Variants in PHACTR2 observed in about 807,000 individuals in gnomAD.
PHACTR2 encodes chromosome 6 open reading frame 56.
Under a neutral mutation model 76.0 loss-of-function variants are expected in PHACTR2, and 30 were observed. The ratio of observed to expected loss-of-function variants is 0.39; its 90% confidence interval spans 0.30 to 0.54. The LOEUF (loss-of-function observed/expected upper bound fraction) is 0.54, where lower values mean the gene tolerates loss of function less well. Among genes scored for constraint, PHACTR2 ranks in the 20% least tolerant of loss-of-function variants. The pLI is 0.61. For missense variants in PHACTR2, 696 were observed against 781.1 expected, an observed-to-expected ratio of 0.89 and a Z score of 1.30; for synonymous variants, 292 against 292.5, an observed-to-expected ratio of 1.00 and a Z score of 0.02.
chr6:143,563,527 GCCTGGGCGACACAAA>G (rs1459758115), intron 1 of PHACTR2, among the ~76,000 whole-genome samples: 1 of 136,276 alleles, frequency 7.3e-6, no homozygotes, highest in African/African-American at 2.8e-5. Context: ...CTGCACTCCA[GCCTGGGCGACACAAA>G]CTCCGTCTCA....
intron 1 of PHACTR2, among the ~76,000 whole-genome samples, chr6:143,631,223 C>T (rs113542686): frequency 0.023 from 3,456 of 152,162 alleles, 136 homozygotes; most frequent in African/African-American, 0.079. Flanking sequence ...CAGGGTCTCA[C>T]TCTGTTGCCC....
intron 1 of PHACTR2, among the ~76,000 whole-genome samples, chr6:143,600,684 A>G (rs933833781): frequency 6.6e-6 from 1 of 152,208 alleles, no homozygotes; most frequent in Non-Finnish European, 1.5e-5. Context: ...TAATTCTACC[A>G]TGTTTATTTT....
rs1316735535 is a variant in PHACTR2, at chr6:143,561,280, T to C, written c.217+24073T>C. 6.6e-6 allele frequency: 1 copy of C among 152,338 alleles called. No individual in the cohort carries two copies. 9.4% of individuals were successfully genotyped at this position (152,338 alleles called of 1,614,324 possible). On this transcript the variant is annotated intron_variant, in intron 1 of 11. Coordinates refer to the PHACTR2 transcript ENST00000367584. The surrounding 1 kb of genome is among the most constrained non-coding windows in gnomAD (Gnocchi z 4.1). ...GACAGTCTTAGCACTCAAGATGTGG[T>C]GACCTGTCGGGAAGCGGGGGCAGGG...
At chr6:143,582,257 A>G (rs1489209233) in intron 1 of PHACTR2, among the ~76,000 whole-genome samples, 1 of 152,216 alleles carries the variant, frequency 6.6e-6, no homozygotes, top group Admixed American at 6.5e-5. Context: ...ATTCCCATAC[A>G]TTGCTCAACT....
chr6:143,564,048 ATT>A (rs10537239), intron 1 of PHACTR2, among the ~76,000 whole-genome samples: 89,479 of 150,470 alleles, frequency 0.59, 27,058 homozygotes, highest in Middle Eastern at 0.72. Flanking sequence ...TGTCTATGGA[ATT>A]TTTTACTTCA....
rs939375074 is a variant in PHACTR2, at chr6:143,767,907, G to A, written c.1232+2109G>A. The stretch of plus-strand genomic sequence containing the variant: ...GGCTGGAGTACAGTGGCATGATCTC[G>A]GCTCACCTCAACCTCTGCCTCCCAG... On this transcript the variant is annotated intron_variant, in intron 6 of 12. Coordinates refer to ENST00000440869, the MANE Select transcript of PHACTR2 (RefSeq NM_001100164.2). This position sits in a 1 kb window ranked among gnomAD's most constrained non-coding sequence, Gnocchi z 4.4. Among the ~76,000 whole-genome samples, 6 of 151,968 alleles carry A rather than the reference G, an allele frequency of 3.9e-5. No individual in the cohort carries two copies. The highest frequency in any genetic ancestry group is 8.8e-5 in the Non-Finnish European group (6 of 67,974).
At chr6:143,799,583 G>T (rs1376822168) in intron 11 of PHACTR2, among the ~76,000 whole-genome samples, 1 of 152,192 alleles carries the variant, frequency 6.6e-6, no homozygotes, top group Non-Finnish European at 1.5e-5. Flanking sequence ...CTGGTACATT[G>T]TGTCTTTGTT....
upstream of PHACTR2, among the ~76,000 whole-genome samples, chr6:143,604,088 C>T (rs1246225211): frequency 2.6e-5 from 3 of 116,270 alleles, no homozygotes; most frequent in Admixed American, 2.7e-4. Context: ...CAGAGAGAGA[C>T]TCTGATTCAA....
intron 2 of PHACTR2, among the ~76,000 whole-genome samples, chr6:143,715,344 C>T (rs1778278438): frequency 6.6e-6 from 1 of 152,170 alleles, no homozygotes; most frequent in Non-Finnish European, 1.5e-5. Context: ...TAACCCCCAG[C>T]AGGAAGGTTG....
chr6:143,771,231 T>TATAC (rs1554227218), intron 6 of PHACTR2, among the ~76,000 whole-genome samples: 1 of 109,148 alleles, frequency 9.2e-6, no homozygotes, highest in African/African-American at 3.6e-5. Flanking sequence ...TATATATATA[T>TATAC]ATATGCTTTT....
At chr6:143,752,876 A>G (rs2128470463) in intron 3 of PHACTR2, among the ~76,000 whole-genome samples, 1 of 152,256 alleles carries the variant, frequency 6.6e-6, no homozygotes, top group East Asian at 1.9e-4. Flanking sequence ...TCCAGATATA[A>G]AGTAGGGTTA....
At position 143,731,662 on chromosome 6, in the gene PHACTR2, C is replaced by G. The variant is rs988293515; in HGVS notation, c.215-17323C>G. ...ATTGAATAATATTTTGTTGAGGATT[C>G]ATGGTATTGATCTGTAGTGTTCTTG... On this transcript the variant is annotated intron_variant, in intron 2 of 12. Transcript: ENST00000440869. The surrounding 1 kb of genome is among the most constrained non-coding windows in gnomAD (Gnocchi z 4.9). 6.6e-6 allele frequency among the ~76,000 whole-genome samples: 1 copy of G among 152,138 alleles called. No individual in the cohort carries two copies. Among genetic ancestry groups the G allele is most frequent in the African/African-American group, 2.4e-5 (1 of 41,418 alleles).
At position 143,647,695 on chromosome 6, in the gene PHACTR2, A is replaced by G. The variant is rs907162910; in HGVS notation, c.13+39373A>G. Reference sequence around the variant, plus strand: ...AAGGAAACCTTGGTTGAAGTGAGGGAGGAGGAAACCTTGCAGATATCTTGG... The same window carrying G: ...AAGGAAACCTTGGTTGAAGTGAGGGGGGAGGAAACCTTGCAGATATCTTGG... On this transcript the variant is annotated intron_variant, in intron 1 of 11. Coordinates refer to the PHACTR2 transcript ENST00000305766. The surrounding 1 kb of genome is among the most constrained non-coding windows in gnomAD (Gnocchi z 4.2). 3.3e-5 allele frequency among the ~76,000 whole-genome samples: 5 copies of G among 152,198 alleles called. No homozygotes were observed. Among genetic ancestry groups the G allele is most frequent in the Non-Finnish European group, 7.3e-5 (5 of 68,032 alleles).
intron 1 of PHACTR2, among the ~76,000 whole-genome samples, chr6:143,707,058 C>T (rs1778071244): frequency 6.6e-6 from 1 of 152,048 alleles, no homozygotes; most frequent in South Asian, 2.1e-4. Context: ...TTTTCTTTGC[C>T]ATATGTTCTG....
intron 1 of PHACTR2, among the ~76,000 whole-genome samples, chr6:143,668,605 A>G (rs150900291): frequency 0.018 from 2,780 of 152,200 alleles, 85 homozygotes; most frequent in African/African-American, 0.062. Context: ...TAGTCTTGGG[A>G]GGATGTATGT....
chr6:143,608,204 C>A lies in PHACTR2; in HGVS notation c.-106C>A. 1 of 1,153,344 alleles carries A rather than the reference C, an allele frequency of 8.7e-7. No homozygotes were observed. Among genetic ancestry groups the A allele is most frequent in the Non-Finnish European group, 1.3e-6 (1 of 768,360 alleles). 71.4% of individuals were successfully genotyped at this position (1,153,344 alleles called of 1,614,324 possible). ...CAGTGCATGAAGTATGCTCAGTGTG[C>A]CAGCAAGGGCTGATAATCAGCAGAA... On this transcript the variant is annotated 5_prime_UTR_variant, in exon 1 of 12. Transcript: ENST00000305766. The surrounding 1 kb of genome is among the most constrained non-coding windows in gnomAD (Gnocchi z 4.6).
chr6:143,814,658 A>T (rs907052761), intron 12 of PHACTR2, among the ~76,000 whole-genome samples: 2 of 133,674 alleles, frequency 1.5e-5, no homozygotes, highest in African/African-American at 2.8e-5. Flanking sequence ...GCTGGAGTGC[A>T]GTGGCGCCAT....
In PHACTR2 at chr6:143,774,153, G is replaced by A; in HGVS notation, c.1527G>A (p.Leu509=). 1 of 1,614,018 alleles carries A rather than the reference G, an allele frequency of 6.2e-7. No homozygotes were observed. Among genetic ancestry groups the A allele is most frequent in the Non-Finnish European group, 8.5e-7 (1 of 1,179,872 alleles). ...AAGAACTAGAGGACAAAAACATCTT[G>A]CAGCGTACATCTGAAGAAGAGAGGC... ...SKKELEDKNI[L]QRTSEEERQE... The change falls in exon 8 of 13, where the codon TTG becomes TTA. Residue 509 remains leucine (L), a synonymous_variant. Coordinates refer to ENST00000440869, the MANE Select transcript of PHACTR2 (RefSeq NM_001100164.2). This position sits in a 1 kb window ranked among gnomAD's most constrained non-coding sequence, Gnocchi z 5.4.
intron 1 of PHACTR2, among the ~76,000 whole-genome samples, chr6:143,629,272 G>C (rs531384431): frequency 1.1e-3 from 174 of 152,086 alleles, no homozygotes; most frequent in Non-Finnish European, 1.6e-3. Flanking sequence ...CGTCTGCTGA[G>C]GGGGACAGAA....
Sources: gnomAD v4.1 joint callset for allele counts (sites outside exome capture counted in the v4.1 genomes callset) on GRCh38, gnomAD v4.1.1 for gene constraint, Gnocchi (gnomAD v3.1) non-coding constraint, MANE v1.5 for transcripts, NCBI Gene and HGNC (gene_info 2026-07-23, HGNC 2026-07-21) for gene names.